MRPL22: variants seen among roughly 807,000 people sequenced by gnomAD.
The protein encoded by MRPL22 is mitochondrial ribosomal protein L22.
A neutral mutation model predicts 32.4 loss-of-function variants in MRPL22; 27 were observed. The ratio of observed to expected loss-of-function variants is 0.83; its 90% CI spans 0.61 to 1.15. The LOEUF is 1.15. Among genes scored for constraint, MRPL22 ranks in the 50% most tolerant of loss-of-function variants. MRPL22 has a pLI of 0.00. For synonymous variants in MRPL22, 86 were observed against 87.3 expected, an observed-to-expected ratio of 0.99 and a Z score of 0.08; for missense variants, 239 against 260.2, an observed-to-expected ratio of 0.92 and a Z score of 0.56.
intron 3 of MRPL22, among the ~76,000 whole-genome samples, chr5:154,954,359 T>C (rs1764604436): frequency 6.6e-6 from 1 of 152,238 alleles, no homozygotes; most frequent in African/African-American, 2.4e-5. Context: ...AATTGATTTA[T>C]TTAAAAGTTA....
At position 154,968,480 on chromosome 5, in the gene MRPL22, A is replaced by G. The variant is rs117314034; in HGVS notation, c.*1583A>G. The G allele has an allele frequency of 2.0e-4, 30 of 152,344 alleles. No homozygotes were observed. Among genetic ancestry groups the G allele is most frequent in the East Asian group, 1.5e-3 (8 of 5,182 alleles). 9.4% of individuals were successfully genotyped at this position (152,344 alleles called of 1,614,324 possible). A position where few individuals can be genotyped will look rare whatever the true frequency, so the allele number is the denominator to read the frequency against. ...ATTCATTTATGAAACAAGAGACTCA[A>G]TGTTCTCTGTAGAAAACCTTTTTTA... On this transcript the variant is annotated 3_prime_UTR_variant, in exon 7 of 7. Coordinates refer to ENST00000523037, the MANE Select transcript of MRPL22 (RefSeq NM_014180.4).
chr5:154,952,031 T>C (rs913514204), intron 3 of MRPL22, among the ~76,000 whole-genome samples: 48 of 151,992 alleles, frequency 3.2e-4, no homozygotes, highest in African/African-American at 1.1e-3. Flanking sequence ...TACAGGCGCC[T>C]GCCACCATCC....
chr5:154,953,144 G>A (rs922491482), intron 3 of MRPL22, among the ~76,000 whole-genome samples: 1 of 151,916 alleles, frequency 6.6e-6, no homozygotes, highest in African/African-American at 2.4e-5. Context: ...ATATCACAAG[G>A]TCAGGAGTTC....
At chr5:154,952,677 A>G (rs1381890668) in intron 3 of MRPL22, among the ~76,000 whole-genome samples, 1 of 152,224 alleles carries the variant, frequency 6.6e-6, no homozygotes, top group Non-Finnish European at 1.5e-5. Context: ...GATACCCTTC[A>G]TAAATACCTA....
chr5:154,962,962 C>T (rs564369857), intron 6 of MRPL22, among the ~76,000 whole-genome samples: 4 of 152,212 alleles, frequency 2.6e-5, no homozygotes, highest in South Asian at 2.1e-4. Flanking sequence ...TATTTTGAGA[C>T]GGAGTCTCAC....
intron 5 of MRPL22, among the ~76,000 whole-genome samples, 195 bp from the exon 6 acceptor site, chr5:154,959,785 C>T (rs923850513): frequency 1.3e-5 from 2 of 152,192 alleles, no homozygotes; most frequent in African/African-American, 4.8e-5. Flanking sequence ...GTGTTCTATG[C>T]ATTTACACTT....
intron 2 of MRPL22, among the ~76,000 whole-genome samples, chr5:154,945,191 G>T (rs1337131088): frequency 6.6e-6 from 1 of 152,124 alleles, no homozygotes; most frequent in Non-Finnish European, 1.5e-5. Flanking sequence ...TGAGATCATG[G>T]TGGCTTGGAT....
At chr5:154,942,754 GC>G (rs1351975521) in intron 2 of MRPL22, among the ~76,000 whole-genome samples, 1 of 152,166 alleles carries the variant, frequency 6.6e-6, no homozygotes, top group East Asian at 1.9e-4. Flanking sequence ...ATGTGTATGT[GC>G]CCTTTACTAG....
In MRPL22 at chr5:154,961,754, A is replaced by C. The variant is rs144719137; in HGVS notation, c.409+1705A>C. Among the ~76,000 whole-genome samples, 9 of 152,156 alleles carry C rather than the reference A, an allele frequency of 5.9e-5. No homozygotes were observed. In the East Asian group the frequency reaches 1.7e-3, roughly 29 times the overall value. On this transcript the variant is annotated intron_variant, in intron 6 of 6. Transcript: ENST00000523037. ...CAGGCTGGAGTGCAGTGGTGTGATC[A>C]CAGCTCACTGCAGCTTTGAACTCCT...
intron 3 of MRPL22, among the ~76,000 whole-genome samples, chr5:154,952,033 C>T (rs1172804914): frequency 6.6e-6 from 1 of 151,948 alleles, no homozygotes; most frequent in Non-Finnish European, 1.5e-5. Flanking sequence ...CAGGCGCCTG[C>T]CACCATCCCG....
In MRPL22 at chr5:154,967,083, G is replaced by T. The variant is rs111793402; in HGVS notation, c.*186G>T. 6.0e-4 allele frequency: 402 copies of T among 673,442 alleles called. 1 individual carries two copies. In the African/African-American group the frequency reaches 6.6e-3, roughly 11 times the overall value. 41.7% of individuals were successfully genotyped at this position (673,442 alleles called of 1,614,324 possible). On this transcript the variant is annotated 3_prime_UTR_variant, in exon 7 of 7. Transcript: ENST00000523037. The surrounding 1 kb of genome is among the most constrained non-coding windows in gnomAD (Gnocchi z 4.7). ...TTTGAGCCTCTGGGCATATTTGTATGCATTTGCGACTTGGAAGGGGAAATC... is the reference window on the plus strand; with the variant it reads ...TTTGAGCCTCTGGGCATATTTGTATTCATTTGCGACTTGGAAGGGGAAATC...
At chr5:154,955,220 C>T (rs1190327946) in intron 3 of MRPL22, 1 of 152,196 alleles carries the variant, frequency 6.6e-6, no homozygotes, top group Non-Finnish European at 1.5e-5. Context: ...TGTAATTAGG[C>T]TATTGCTATA....
chr5:154,953,987 A>G (rs1764599675), intron 3 of MRPL22, among the ~76,000 whole-genome samples: 1 of 139,258 alleles, frequency 7.2e-6, no homozygotes, highest in African/African-American at 2.7e-5. Flanking sequence ...CACCTGGCCT[A>G]AAACTTTTTT....
At chr5:154,956,249 T>TCAG in intron 3 of MRPL22, 122 bp from the exon 4 acceptor site, 1 of 673,630 alleles carries the variant, frequency 1.5e-6, no homozygotes, top group Admixed American at 3.1e-5. Context: ...TGTTTCTATT[T>TCAG]CTTATGGCAG....
chr5:154,961,880 G>T (rs1029283465), intron 6 of MRPL22, among the ~76,000 whole-genome samples: 8 of 151,966 alleles, frequency 5.3e-5, no homozygotes, highest in African/African-American at 7.3e-5. Context: ...AGAGACAGAG[G>T]TCTCGCTTAG....
At chr5:154,962,921 G>C (rs1015265409) in intron 6 of MRPL22, among the ~76,000 whole-genome samples, 10 of 152,140 alleles carry the variant, frequency 6.6e-5, no homozygotes, top group Admixed American at 6.6e-5. Context: ...AATATTTGCT[G>C]TGTGTATATA....
chr5:154,967,224 T>C lies in MRPL22; in HGVS notation c.*327T>C, dbSNP rs2544883. The C allele has an allele frequency of 0.027, 8,144 of 301,538 alleles. 193 individuals are homozygous for C. Among genetic ancestry groups the C allele is most frequent in the African/African-American group, 0.074 (3,347 of 45,488 alleles). The allele number at this position is 301,538 out of a possible 1,614,324, so 18.7% of individuals were successfully genotyped here. A position where few individuals can be genotyped will look rare whatever the true frequency, so the allele number is the denominator to read the frequency against. ...TGGCTGTTTTGATACTGGACTTGAATACAGTGTTATGAGGTAAGAAAATTG... is the reference window on the plus strand; with the variant it reads ...TGGCTGTTTTGATACTGGACTTGAACACAGTGTTATGAGGTAAGAAAATTG... On this transcript the variant is annotated 3_prime_UTR_variant, in exon 7 of 7. Transcript: ENST00000523037. The surrounding 1 kb of genome is among the most constrained non-coding windows in gnomAD (Gnocchi z 4.7).
chr5:154,946,027 A>G (rs1764485756), intron 2 of MRPL22, among the ~76,000 whole-genome samples: 1 of 152,202 alleles, frequency 6.6e-6, no homozygotes, highest in African/African-American at 2.4e-5. Flanking sequence ...TCCTGAAAGT[A>G]TTATAAGAAT....
intron 2 of MRPL22, among the ~76,000 whole-genome samples, chr5:154,944,484 CCT>C (rs1764462764): frequency 6.6e-6 from 1 of 152,136 alleles, no homozygotes; most frequent in African/African-American, 2.4e-5. Context: ...TACACTCAGT[CCT>C]CTTACCTTAC....
Sources: allele counts gnomAD v4.1 joint callset (sites outside exome capture counted in the v4.1 genomes callset), GRCh38; gene constraint gnomAD v4.1.1; non-coding constraint Gnocchi (gnomAD v3.1); transcripts MANE v1.5; gene names NCBI Gene and HGNC (gene_info 2026-07-23, HGNC 2026-07-21).